Variants in MYO1H observed in about 807,000 individuals in gnomAD.
MYO1H encodes myosin IH.
MYO1H carries 118 observed loss-of-function variants against 149.3 expected under a neutral mutation model. The observed-to-expected ratio is 0.79, with a 90% CI of 0.68 to 0.92. The LOEUF is 0.92. MYO1H is among the 40% of genes least tolerant of loss of function. The pLI, the probability that MYO1H is intolerant of heterozygous loss-of-function variation, is 0.00. For synonymous variants in MYO1H, 447 were observed against 465.2 expected (o/e 0.96, Z 0.50); for missense variants, 1,212 against 1,280.7 (o/e 0.95, Z 0.82).
At chr12:109,356,632 A>G (rs1031352585) in intron 1 of MYO1H, among the ~76,000 whole-genome samples, 7 of 152,140 alleles carry the variant, frequency 4.6e-5, no homozygotes, top group Admixed American at 3.9e-4. Flanking sequence ...TGGTCATGTA[A>G]TGGCATTTTT....
intron 1 of MYO1H, among the ~76,000 whole-genome samples, chr12:109,350,040 A>G (rs962395403): frequency 6.6e-6 from 1 of 151,246 alleles, no homozygotes; most frequent in Non-Finnish European, 1.5e-5. Flanking sequence ...TTCAGAAATG[A>G]CCTCAGAAGG....
intron 1 of MYO1H, among the ~76,000 whole-genome samples, chr12:109,376,040 C>T (rs1869081058): frequency 6.6e-6 from 1 of 152,164 alleles, no homozygotes; most frequent in Non-Finnish European, 1.5e-5. Flanking sequence ...AAGATATCTT[C>T]TATATTCTCT....
At chr12:109,396,913 C>T (rs568110076) in intron 4 of MYO1H, among the ~76,000 whole-genome samples, 19 of 148,536 alleles carry the variant, frequency 1.3e-4, no homozygotes, top group African/African-American at 4.5e-4. Context: ...CAGAAACCTC[C>T]GCCTCCTGAG....
At chr12:109,369,552 A>ATC (rs928688612) in intron 1 of MYO1H, among the ~76,000 whole-genome samples, 1 of 152,032 alleles carries the variant, frequency 6.6e-6, no homozygotes, top group Admixed American at 6.5e-5. Flanking sequence ...ATATTTAAAA[A>ATC]TCTCTCTCTC....
chr12:109,324,715 A>T, the MYO1H span, among the ~76,000 whole-genome samples: 41 of 149,256 alleles, frequency 2.7e-4, no homozygotes, highest in East Asian at 1.6e-3. Flanking sequence ...TTTTTTTTTT[A>T]AATTTTACTT....
At chr12:109,416,183 A>G (rs1366223047) in intron 15 of MYO1H, among the ~76,000 whole-genome samples, 1 of 151,938 alleles carries the variant, frequency 6.6e-6, no homozygotes, top group Non-Finnish European at 1.5e-5. Flanking sequence ...CAGCCTCCCA[A>G]AGTGCTGGGA....
At chr12:109,418,779 C>T (rs968539423) in intron 15 of MYO1H, among the ~76,000 whole-genome samples, 3 of 152,048 alleles carry the variant, frequency 2.0e-5, no homozygotes, top group African/African-American at 7.2e-5. Flanking sequence ...CTCCTGACCT[C>T]GTGATCCACC....
chr12:109,405,625 A>G (rs2137055811), intron 7 of MYO1H, among the ~76,000 whole-genome samples: 1 of 152,280 alleles, frequency 6.6e-6, no homozygotes, highest in East Asian at 1.9e-4. Flanking sequence ...ATATTTTATA[A>G]AAGTGTTTTA....
chr12:109,311,976 AT>A, the MYO1H span, among the ~76,000 whole-genome samples: 1 of 152,258 alleles, frequency 6.6e-6, no homozygotes, highest in East Asian at 1.9e-4. Context: ...CAGTGTAGTT[AT>A]CTGCCTGATC....
At chr12:109,378,246 A>C (rs534890998) in intron 1 of MYO1H, among the ~76,000 whole-genome samples, 2 of 152,256 alleles carry the variant, frequency 1.3e-5, no homozygotes, top group African/African-American at 4.8e-5. Context: ...AGCTCTGTTT[A>C]ATCTTTGGAG....
intron 1 of MYO1H, among the ~76,000 whole-genome samples, chr12:109,381,108 G>A (rs1320679279): frequency 6.6e-6 from 1 of 152,272 alleles, no homozygotes; most frequent in Non-Finnish European, 1.5e-5. Context: ...GGGTATGAAC[G>A]TGGCAGCTAC....
chr12:109,314,496 C>T, the MYO1H span, among the ~76,000 whole-genome samples: 3 of 152,194 alleles, frequency 2.0e-5, no homozygotes, highest in African/African-American at 7.2e-5. Flanking sequence ...TGCTAGCAGG[C>T]TCTTTCAATA....
the MYO1H span, among the ~76,000 whole-genome samples, chr12:109,318,921 G>A: frequency 6.8e-6 from 1 of 146,262 alleles, no homozygotes; most frequent in Admixed American, 6.8e-5. Flanking sequence ...GGAGTGAGGG[G>A]AGGGGAAATC....
chr12:109,376,759 A>G (rs1566020967), intron 1 of MYO1H, among the ~76,000 whole-genome samples: 1 of 152,236 alleles, frequency 6.6e-6, no homozygotes, highest in Non-Finnish European at 1.5e-5. Context: ...TGTTCTGTAT[A>G]CAGATTATCT....
At position 109,443,009 on chromosome 12, in the gene MYO1H, A is replaced by AAAATATAT. The variant is rs1371725807; in HGVS notation, c.2689-504_2689-503insAATATATA. Among the ~76,000 whole-genome samples, 6 of 58,492 alleles carry AAAATATAT rather than the reference A, an allele frequency of 1.0e-4. 2 individuals carry two copies. Among genetic ancestry groups the AAAATATAT allele is most frequent in the Non-Finnish European group, 1.6e-4 (5 of 31,804 alleles). The allele number at this position is 58,492 out of a possible 152,430, so 38.4% of individuals were successfully genotyped here. ...TGCAGAGAGCCAGGAAAAAAAAAAA[A>AAAATATAT]ATATATATATATATATATATGTGTG... On this transcript the variant is annotated intron_variant, in intron 27 of 31. Coordinates refer to ENST00000310903, the Ensembl canonical transcript of MYO1H.
At chr12:109,408,394 C>G (rs539970028) in intron 10 of MYO1H, among the ~76,000 whole-genome samples, 243 of 152,212 alleles carry the variant, frequency 1.6e-3, no homozygotes, top group African/African-American at 5.6e-3. Context: ...AGGCTGGTCT[C>G]AAACTCCCAG....
the MYO1H span, among the ~76,000 whole-genome samples, chr12:109,319,325 CA>C: frequency 6.6e-6 from 1 of 151,710 alleles, no homozygotes; most frequent in Non-Finnish European, 1.5e-5. Flanking sequence ...AAGCTAGTCA[CA>C]AAAAAGGCAG....
chr12:109,390,747 C>T (rs1217651494), intron 2 of MYO1H, among the ~76,000 whole-genome samples: 1 of 151,172 alleles, frequency 6.6e-6, no homozygotes, highest in African/African-American at 2.4e-5. Flanking sequence ...CTCACTGCAA[C>T]CTCCGCCACC....
intron 1 of MYO1H, among the ~76,000 whole-genome samples, chr12:109,371,465 G>C (rs963402846): frequency 3.9e-5 from 6 of 152,016 alleles, no homozygotes; most frequent in African/African-American, 1.2e-4. Flanking sequence ...CAATCTGCCT[G>C]CCTACGCCTT....
Sources: gnomAD v4.1 joint callset for allele counts (sites outside exome capture counted in the v4.1 genomes callset) on GRCh38, gnomAD v4.1.1 for gene constraint, MANE v1.5 for transcripts, NCBI Gene and HGNC (gene_info 2026-07-23, HGNC 2026-07-21) for gene names.